RARB: variants seen among roughly 807,000 people sequenced by gnomAD.
The protein encoded by RARB is retinoic acid receptor beta.
In RARB, 17 loss-of-function variants were observed where a neutral mutation model predicts 51.9. That is an observed-to-expected ratio of 0.33 (90% CI 0.22 to 0.49). RARB has a LOEUF of 0.49. Ranked by LOEUF, RARB falls within the 20% of genes least tolerant of loss-of-function variation. The pLI is 0.99. For missense variants in RARB, 369 were observed against 550.8 expected, an observed-to-expected ratio of 0.67 and a Z score of 3.30; for synonymous variants, 215 against 195.4, an observed-to-expected ratio of 1.10 and a Z score of -0.84.
intron 1 of RARB, among the ~76,000 whole-genome samples, chr3:25,429,636 A>G (rs928652071): frequency 6.6e-6 from 1 of 152,186 alleles, no homozygotes; most frequent in Admixed American, 6.5e-5. Flanking sequence ...CAGTTAAAGG[A>G]AAGGAAATAT....
intron 3 of RARB, among the ~76,000 whole-genome samples, chr3:25,564,838 C>G (rs1455055268): frequency 6.6e-6 from 1 of 152,140 alleles, no homozygotes; most frequent in African/African-American, 2.4e-5. Context: ...TGTCAAACTC[C>G]CAGGTCTGGC....
intron 4 of RARB, among the ~76,000 whole-genome samples, chr3:25,136,207 G>T (rs1009501880): frequency 3.9e-5 from 6 of 151,970 alleles, no homozygotes; most frequent in Non-Finnish European, 8.8e-5. Context: ...GTCATGATGG[G>T]AAGCTTTACT....
At chr3:25,519,905 A>G (rs1034408818) in intron 3 of RARB, among the ~76,000 whole-genome samples, 1 of 152,210 alleles carries the variant, frequency 6.6e-6, no homozygotes, top group Non-Finnish European at 1.5e-5. Context: ...TTCCCCCAAG[A>G]GGATCAAATC....
At chr3:24,919,547 C>CGTG (rs1695176826) in intron 2 of RARB, among the ~76,000 whole-genome samples, 1 of 151,960 alleles carries the variant, frequency 6.6e-6, no homozygotes, top group Non-Finnish European at 1.5e-5. Flanking sequence ...TTTTTCTGTC[C>CGTG]ATGAATGTTC....
chr3:25,430,836 A>C (rs987601711), intron 1 of RARB, among the ~76,000 whole-genome samples: 6 of 152,116 alleles, frequency 3.9e-5, no homozygotes, highest in African/African-American at 7.2e-5. Flanking sequence ...GTTTCACAAG[A>C]GTTTGAATCC....
intron 2 of RARB, among the ~76,000 whole-genome samples, chr3:25,002,804 ATTGCT>A: frequency 6.6e-6 from 1 of 151,876 alleles, no homozygotes; most frequent in Admixed American, 6.6e-5. Context: ...TAACCTTTTA[ATTGCT>A]TTGTTTCATC....
At chr3:25,422,979 C>T (rs1010460747) in intron 5 of RARB, among the ~76,000 whole-genome samples, 5 of 152,128 alleles carry the variant, frequency 3.3e-5, no homozygotes, top group African/African-American at 1.2e-4. Flanking sequence ...CATCCATGCC[C>T]ATTAATTTAT....
chr3:25,285,825 T>C (rs1324381283), intron 5 of RARB, among the ~76,000 whole-genome samples: 2 of 152,202 alleles, frequency 1.3e-5, no homozygotes, highest in Non-Finnish European at 2.9e-5. Flanking sequence ...TGTTCCATTT[T>C]AGACAATTGA....
intron 2 of RARB, among the ~76,000 whole-genome samples, chr3:24,903,432 T>C (rs2125373390): frequency 6.6e-6 from 1 of 152,294 alleles, no homozygotes; most frequent in African/African-American, 2.4e-5. Flanking sequence ...ATTAAACACA[T>C]TTTAAAAGTT....
chr3:25,176,529 G>A (rs530383502), intron 5 of RARB, among the ~76,000 whole-genome samples: 46 of 151,248 alleles, frequency 3.0e-4, no homozygotes, highest in Non-Finnish European at 5.5e-4. Flanking sequence ...CTGAGTGACT[G>A]GGACTACAGG....
intron 4 of RARB, among the ~76,000 whole-genome samples, chr3:25,142,195 A>T (rs538424902): frequency 5.3e-5 from 8 of 152,156 alleles, no homozygotes; most frequent in East Asian, 3.9e-4. Flanking sequence ...TTAACCAGGC[A>T]TGGTGGCGGG....
intron 5 of RARB, among the ~76,000 whole-genome samples, chr3:25,280,330 G>T (rs1264116288): frequency 2.0e-5 from 3 of 152,274 alleles, no homozygotes; most frequent in South Asian, 4.2e-4. Context: ...TCAAATGAGG[G>T]TTTTTTAACC....
chr3:25,487,227 G>A (rs1408262600), intron 2 of RARB, among the ~76,000 whole-genome samples: 5 of 152,120 alleles, frequency 3.3e-5, no homozygotes, highest in South Asian at 2.1e-4. Context: ...CCAGGTTTTC[G>A]CTTCCATGGA....
At chr3:25,206,718 A>T (rs1701556750) in intron 5 of RARB, among the ~76,000 whole-genome samples, 2 of 152,318 alleles carry the variant, frequency 1.3e-5, no homozygotes, top group East Asian at 3.9e-4. Context: ...TTCTGGAAAA[A>T]ATGTGGTAGG....
At chr3:24,999,126 G>A (rs543696735) in intron 2 of RARB, among the ~76,000 whole-genome samples, 2 of 152,050 alleles carry the variant, frequency 1.3e-5, no homozygotes, top group African/African-American at 4.8e-5. Context: ...CTGTTATATA[G>A]ATAAACAGGC....
chr3:25,341,730 G>A lies in RARB; in HGVS notation c.179-119463G>A, dbSNP rs571452716. Among the ~76,000 whole-genome samples, 13 of 152,192 alleles carry A rather than the reference G, an allele frequency of 8.5e-5. No individual in the cohort carries two copies. The South Asian group carries it at 2.3e-3, about 27-fold the overall frequency. On this transcript the variant is annotated intron_variant, in intron 5 of 11. Coordinates refer to the RARB transcript ENST00000383772. ...AAGCCACCGGTATCTAGTGGGTAGAGGTCAAGGGATGCCACTAAACCTCCC... is the reference window on the plus strand; with the variant it reads ...AAGCCACCGGTATCTAGTGGGTAGAAGTCAAGGGATGCCACTAAACCTCCC...
intron 1 of RARB, among the ~76,000 whole-genome samples, chr3:25,455,398 C>T (rs1287158240): frequency 3.9e-5 from 6 of 152,142 alleles, no homozygotes; most frequent in African/African-American, 1.2e-4. Flanking sequence ...TGTCCTTCTC[C>T]CTAACCTCAA....
At chr3:25,243,350 A>T (rs936216071) in intron 5 of RARB, among the ~76,000 whole-genome samples, 6 of 152,260 alleles carry the variant, frequency 3.9e-5, no homozygotes, top group South Asian at 2.1e-4. Flanking sequence ...ACTGTGTTGA[A>T]TAGGAGTGGT....
intron 2 of RARB, among the ~76,000 whole-genome samples, chr3:24,929,180 G>A (rs761863429): frequency 5.9e-5 from 9 of 152,030 alleles, no homozygotes; most frequent in Non-Finnish European, 1.2e-4. Context: ...TAAAGGGAAC[G>A]TATTTTCAAA....
Sources: gnomAD v4.1 joint callset for allele counts (sites outside exome capture counted in the v4.1 genomes callset) on GRCh38, gnomAD v4.1.1 for gene constraint, MANE v1.5 for transcripts, NCBI Gene and HGNC (gene_info 2026-07-23, HGNC 2026-07-21) for gene names.